The following SPECC1 variants were observed in gnomAD, a reference collection of about 807,000 sequenced individuals.
The protein encoded by SPECC1 is sperm antigen with calponin homology and coiled-coil domains 1, also known as cytospin-B.
Under a neutral mutation model 104.1 loss-of-function variants are expected in SPECC1, and 62 were observed. The ratio of observed to expected loss-of-function variants is 0.60; its 90% CI spans 0.49 to 0.74. SPECC1 has a LOEUF of 0.74. Among genes scored for constraint, SPECC1 ranks in the 30% least tolerant of loss-of-function variants. SPECC1 has a pLI of 0.00. For synonymous variants in SPECC1, 513 were observed against 501.6 expected, an observed-to-expected ratio of 1.02 and a Z score of -0.30; for missense variants, 1,306 against 1,310.5, an observed-to-expected ratio of 1.00 and a Z score of 0.05.
intron 1 of SPECC1, among the ~76,000 whole-genome samples, chr17:20,021,278 G>A (rs927426325): frequency 1.1e-4 from 16 of 152,030 alleles, no homozygotes; most frequent in African/African-American, 3.6e-4. Flanking sequence ...CAAGGGTCAC[G>A]CGTATACTGC....
At chr17:20,119,395 G>A (rs1010669990) in intron 3 of SPECC1, among the ~76,000 whole-genome samples, 1 of 152,234 alleles carries the variant, frequency 6.6e-6, no homozygotes, top group Admixed American at 6.5e-5. Context: ...ACCACGCCCA[G>A]CTAATGTTGT....
At chr17:20,114,823 C>T (rs1276713573) in intron 3 of SPECC1, among the ~76,000 whole-genome samples, 1 of 152,104 alleles carries the variant, frequency 6.6e-6, no homozygotes. Flanking sequence ...AAGATCAGAC[C>T]TTTACAAGTG....
At chr17:20,180,981 G>A (rs1052658593) in intron 3 of SPECC1, among the ~76,000 whole-genome samples, 1 of 119,022 alleles carries the variant, frequency 8.4e-6, no homozygotes, top group Non-Finnish European at 1.7e-5. Flanking sequence ...TGTCCTGTCA[G>A]TCCAGTGAAA....
chr17:20,157,612 T>G (rs577173960), intron 3 of SPECC1, among the ~76,000 whole-genome samples: 66 of 152,348 alleles, frequency 4.3e-4, no homozygotes, highest in Admixed American at 1.2e-3. Flanking sequence ...TTATTTCCTT[T>G]GTGTTAAAAT....
At chr17:20,133,624 G>A (rs957940765) in intron 3 of SPECC1, among the ~76,000 whole-genome samples, 2 of 151,656 alleles carry the variant, frequency 1.3e-5, no homozygotes, top group Admixed American at 6.6e-5. Flanking sequence ...ACTACTCCTC[G>A]GCCACCATGG....
chr17:20,258,515 C>T (rs971071500), intron 11 of SPECC1, among the ~76,000 whole-genome samples: 2 of 152,160 alleles, frequency 1.3e-5, no homozygotes, highest in African/African-American at 4.8e-5. Flanking sequence ...CTGCTGCAGA[C>T]CTTGCAGAAA....
At chr17:20,299,683 T>C (rs2041505082) in intron 13 of SPECC1, among the ~76,000 whole-genome samples, 1 of 151,994 alleles carries the variant, frequency 6.6e-6, no homozygotes, top group Admixed American at 6.6e-5. Flanking sequence ...CATCACAGAA[T>C]GTATTAAAAT....
chr17:20,284,268 G>C (rs973220752), intron 12 of SPECC1, among the ~76,000 whole-genome samples: 12 of 152,192 alleles, frequency 7.9e-5, no homozygotes, highest in African/African-American at 2.9e-4. Context: ...GAGCACAGCA[G>C]CCCCACTGGC....
intron 3 of SPECC1, among the ~76,000 whole-genome samples, chr17:20,168,089 G>A (rs965796265): frequency 4.6e-5 from 7 of 152,146 alleles, no homozygotes; most frequent in African/African-American, 1.7e-4. Context: ...AAGATGGAAA[G>A]CATTCCGATT....
Position 20,051,133 on chromosome 17 carries a change from T to TTTCCTTCTTTCTTTCC in SPECC1, c.-22+41712_-22+41713insCTTCTTTCTTTCCTTC, listed in dbSNP as rs61037968. The stretch of plus-strand genomic sequence containing the variant: ...CTTTCTTTCTTTCTTTCTTTCTTTC[T>TTTCCTTCTTTCTTTCC]TTCTTTCCTTCTTTCCTTCTTTCCT... On this transcript the variant is annotated intron_variant, in intron 1 of 14. Coordinates refer to ENST00000395527, the MANE Select transcript of SPECC1 (RefSeq NM_001243439.2). 6.9e-3 allele frequency among the ~76,000 whole-genome samples: 283 copies of TTTCCTTCTTTCTTTCC among 40,922 alleles called. 7 individuals are homozygous for TTTCCTTCTTTCTTTCC. The highest frequency in any genetic ancestry group is 0.021 in the African/African-American group (269 of 12,856). 26.8% of individuals were successfully genotyped at this position (40,922 alleles called of 152,430 possible).
At chr17:20,027,218 G>A (rs1351672450) in intron 1 of SPECC1, among the ~76,000 whole-genome samples, 4 of 152,136 alleles carry the variant, frequency 2.6e-5, no homozygotes, top group Non-Finnish European at 4.4e-5. Context: ...AGTGACATTT[G>A]TATGTCTTCC....
intron 3 of SPECC1, among the ~76,000 whole-genome samples, chr17:20,133,577 T>A (rs1408903844): frequency 6.6e-6 from 1 of 152,084 alleles, no homozygotes; most frequent in Non-Finnish European, 1.5e-5. Context: ...TACATATACA[T>A]AAATTTGAGA....
chr17:20,017,168 C>G (rs780796916), intron 1 of SPECC1: 1 of 152,326 alleles, frequency 6.6e-6, no homozygotes, highest in Admixed American at 6.5e-5. Context: ...GGTCGCATTC[C>G]GCGCTGCTGA....
In SPECC1 at chr17:20,318,078, A is replaced by G. The variant is rs1598192539; in HGVS notation, c.*4013A>G. ...CTGTCCTGAGGATTTCAAAGACCACAACAGCCACATTTCTTTCCATCTTCC... is the reference window on the plus strand; with the variant it reads ...CTGTCCTGAGGATTTCAAAGACCACGACAGCCACATTTCTTTCCATCTTCC... On this transcript the variant is annotated 3_prime_UTR_variant, in exon 15 of 15. Transcript: ENST00000395527. The G allele has an allele frequency of 4.3e-6, 1 of 231,266 alleles. No individual in the cohort carries two copies. The highest frequency in any genetic ancestry group is 2.2e-5 in the African/African-American group (1 of 45,234). 14.3% of individuals were successfully genotyped at this position (231,266 alleles called of 1,614,324 possible).
chr17:20,280,749 G>C (rs1220846661), intron 12 of SPECC1, among the ~76,000 whole-genome samples: 1 of 152,228 alleles, frequency 6.6e-6, no homozygotes, highest in Non-Finnish European at 1.5e-5. Flanking sequence ...GCTGGTGGCT[G>C]TCGTATGGGG....
intron 2 of SPECC1, among the ~76,000 whole-genome samples, chr17:20,098,967 G>A (rs1020556837): frequency 3.9e-5 from 6 of 152,128 alleles, no homozygotes; most frequent in South Asian, 4.1e-4. Flanking sequence ...GTTTTCTGGC[G>A]GTCTGATGGA....
intron 1 of SPECC1, among the ~76,000 whole-genome samples, chr17:20,091,781 T>TA: frequency 6.6e-6 from 1 of 152,212 alleles, no homozygotes; most frequent in East Asian, 1.9e-4. Context: ...CAGTGCTTAT[T>TA]GTGCTTGTAG....
In SPECC1 at chr17:20,283,185, G is replaced by C. The variant is rs112752779; in HGVS notation, c.2941-13776G>C. Among the ~76,000 whole-genome samples, 45 of 152,182 alleles carry C rather than the reference G, an allele frequency of 3.0e-4. 2 individuals carry two copies. The highest frequency in any genetic ancestry group is 1.1e-3 in the African/African-American group (44 of 41,512). On this transcript the variant is annotated intron_variant, in intron 12 of 14. Transcript: ENST00000395527. ...GGCAGCAGAGCCAGACCCTATCTTA[G>C]AAAAACAAACAAACAAAAAAGATTA... is the stretch of plus-strand genomic sequence containing the variant.
chr17:20,216,732 T>A (rs2037513439), intron 4 of SPECC1, among the ~76,000 whole-genome samples: 1 of 152,304 alleles, frequency 6.6e-6, no homozygotes, highest in South Asian at 2.1e-4. Flanking sequence ...TTCCACTGGC[T>A]CCATATCTAC....
Sources: gnomAD v4.1 joint callset for allele counts (sites outside exome capture counted in the v4.1 genomes callset) on GRCh38, gnomAD v4.1.1 for gene constraint, MANE v1.5 for transcripts, NCBI Gene and HGNC (gene_info 2026-07-23, HGNC 2026-07-21) for gene names.